PLXNA4: variants seen among roughly 807,000 people sequenced by gnomAD.
PLXNA4 encodes plexin-A4.
A neutral mutation model predicts 191.8 loss-of-function variants in PLXNA4; 44 were observed. The ratio of observed to expected loss-of-function variants is 0.23; its 90% CI spans 0.18 to 0.29. The LOEUF is 0.29. Ranked by LOEUF, PLXNA4 falls within the 10% of genes least tolerant of loss-of-function variation. The pLI is 1.00. For synonymous variants in PLXNA4, 1,082 were observed against 1,009.5 expected, an observed-to-expected ratio of 1.07 and a Z score of -1.36; for missense variants, 1,800 against 2,488.8, an observed-to-expected ratio of 0.72 and a Z score of 5.89.
At chr7:132,489,089 C>T (rs971782188) in intron 3 of PLXNA4, among the ~76,000 whole-genome samples, 1 of 152,178 alleles carries the variant, frequency 6.6e-6, no homozygotes, top group Non-Finnish European at 1.5e-5. Flanking sequence ...GAGGTGAATC[C>T]ACACACTCAC....
intron 3 of PLXNA4, among the ~76,000 whole-genome samples, chr7:132,381,325 G>C (rs12539410): frequency 0.083 from 12,576 of 152,220 alleles, 1,000 homozygotes; most frequent in African/African-American, 0.17. Context: ...GAGGTGCATA[G>C]AACAATATTT....
intron 4 of PLXNA4, among the ~76,000 whole-genome samples, chr7:132,274,766 CTTT>C (rs3057256): frequency 2.8e-5 from 3 of 106,200 alleles, no homozygotes; most frequent in African/African-American, 3.7e-5. Flanking sequence ...TCAGTGCATC[CTTT>C]TTTTTTTTTT....
intron 5 of PLXNA4, among the ~76,000 whole-genome samples, chr7:132,235,639 G>T (rs1798672994): frequency 6.6e-6 from 1 of 152,178 alleles, no homozygotes; most frequent in Admixed American, 6.5e-5. Context: ...TCCCAGGAGT[G>T]ATGCTGATGA....
rs946278637 is a variant in PLXNA4 at position 132,128,024 on chromosome 7, C to G, written c.*2455G>C. The G allele has an allele frequency of 1.5e-4, 23 of 148,588 alleles. No individual in the cohort carries two copies. The highest frequency in any genetic ancestry group is 5.3e-4 in the African/African-American group (21 of 39,978). 9.2% of individuals were successfully genotyped at this position (148,588 alleles called of 1,614,324 possible). A position where few individuals can be genotyped will look rare whatever the true frequency, so the allele number is the denominator to read the frequency against. Reference sequence around the variant, plus strand: ...AAAAAAAAAAATCAAAATGCACTCACTCATACACACGTTCACACACGCAGC... The same window carrying G: ...AAAAAAAAAAATCAAAATGCACTCAGTCATACACACGTTCACACACGCAGC... On this transcript the variant is annotated 3_prime_UTR_variant, in exon 32 of 32. Transcript: ENST00000321063.
intron 2 of PLXNA4, among the ~76,000 whole-genome samples, chr7:132,613,989 G>A (rs1009112823): frequency 5.3e-5 from 8 of 152,298 alleles, no homozygotes; most frequent in African/African-American, 1.9e-4. Context: ...AAGATGGGGA[G>A]ACCTTCTGGA....
intron 3 of PLXNA4, among the ~76,000 whole-genome samples, chr7:132,381,563 T>C (rs1804893437): frequency 6.6e-6 from 1 of 152,240 alleles, no homozygotes; most frequent in Non-Finnish European, 1.5e-5. Flanking sequence ...AACATCTATT[T>C]AAATTTCAAG....
intron 4 of PLXNA4, among the ~76,000 whole-genome samples, chr7:132,290,532 T>C (rs931956729): frequency 8.5e-5 from 13 of 152,142 alleles, no homozygotes; most frequent in African/African-American, 2.9e-4. Context: ...TCAGTGTGTA[T>C]AGACATTCCC....
At chr7:132,536,466 G>A (rs1288329957) in intron 1 of PLXNA4, among the ~76,000 whole-genome samples, 7 of 152,134 alleles carry the variant, frequency 4.6e-5, no homozygotes, top group Admixed American at 4.6e-4. Flanking sequence ...ATAGAACGAC[G>A]ACCTCAGTGG....
rs139713999 is a variant in PLXNA4, at chr7:132,258,261, G to T, written c.1504-17095C>A. ...GCTGCTGTGTCGACGAAAGGCGGCC[G>T]GGGGCTGAGCAAAGGGTGGCATTGG... On this transcript the variant is annotated intron_variant, in intron 4 of 31. Transcript: ENST00000321063. Among the ~76,000 whole-genome samples, 4 of 152,366 alleles carry T rather than the reference G, an allele frequency of 2.6e-5. No individual in the cohort carries two copies. In the East Asian group the frequency reaches 5.8e-4, roughly 22 times the overall value.
chr7:132,130,152 T>G lies in PLXNA4; in HGVS notation c.*327A>C. 1 of 295,136 alleles carries G rather than the reference T, an allele frequency of 3.4e-6. No individual in the cohort carries two copies. The highest frequency in any genetic ancestry group is 6.6e-6 in the Non-Finnish European group (1 of 152,064). The allele number at this position is 295,136 out of a possible 1,614,324, so 18.3% of individuals were successfully genotyped here. ...GGCTCCTCATTCGTTATTTGCACCC[T>G]GCTGCTGACATGCACAGGGTCAGGA... is the stretch of plus-strand genomic sequence containing the variant. On this transcript the variant is annotated 3_prime_UTR_variant, in exon 32 of 32. Transcript: ENST00000321063.
chr7:132,282,527 G>A (rs1235150417), intron 4 of PLXNA4, among the ~76,000 whole-genome samples: 1 of 148,412 alleles, frequency 6.7e-6, no homozygotes, highest in African/African-American at 2.5e-5. Flanking sequence ...CTTGAACCTG[G>A]GAGGCAGAAG....
At chr7:132,258,733 A>G (rs1799519583) in intron 4 of PLXNA4, among the ~76,000 whole-genome samples, 1 of 152,204 alleles carries the variant, frequency 6.6e-6, no homozygotes, top group African/African-American at 2.4e-5. Context: ...ACACCTGGGA[A>G]GAAGACAAAA....
intron 3 of PLXNA4, among the ~76,000 whole-genome samples, chr7:132,339,433 C>G (rs1802940610): frequency 6.6e-6 from 1 of 152,158 alleles, no homozygotes; most frequent in Admixed American, 6.5e-5. Context: ...GTCACATATT[C>G]TACAGAGCAG....
rs988925784 is a variant in PLXNA4, at chr7:132,408,491, T to A, written c.1371+80801A>T. Among the ~76,000 whole-genome samples the A allele has an allele frequency of 2.0e-5, 3 of 151,010 alleles. No homozygotes were observed. In the East Asian group the frequency reaches 6.0e-4, roughly 30 times the overall value. ...TTATTTATTTATTTTTGAGAGAGAG[T>A]CTCACTCTGTCACCCAGGCTGGAGT... On this transcript the variant is annotated intron_variant, in intron 3 of 31. Transcript: ENST00000321063.
intron 21 of PLXNA4, among the ~76,000 whole-genome samples, chr7:132,170,589 G>C (rs1796255311): frequency 6.6e-6 from 1 of 152,242 alleles, no homozygotes; most frequent in South Asian, 2.1e-4. Context: ...CCAATACCCT[G>C]TGTTCCAGGC....
intron 3 of PLXNA4, among the ~76,000 whole-genome samples, chr7:132,362,743 G>C (rs1418715014): frequency 4.6e-5 from 7 of 152,166 alleles, no homozygotes; most frequent in Admixed American, 3.3e-4. Flanking sequence ...CTTTGGGAAA[G>C]ACACATAGCT....
At chr7:132,443,442 C>G (rs954847157) in intron 3 of PLXNA4, among the ~76,000 whole-genome samples, 2 of 152,178 alleles carry the variant, frequency 1.3e-5, no homozygotes, top group African/African-American at 4.8e-5. Context: ...TACAGTTTTT[C>G]TTTCCTCAGT....
At chr7:132,202,976 T>C (rs1797490879) in intron 11 of PLXNA4, 140 bp from the exon 12 acceptor site, 9 of 897,830 alleles carry the variant, frequency 1.0e-5, no homozygotes, top group African/African-American at 3.4e-5. Flanking sequence ...GCCATTCTGA[T>C]GCAAAAAAGA....
chr7:132,190,268 C>A (rs1797044690), intron 14 of PLXNA4, among the ~76,000 whole-genome samples: 1 of 152,240 alleles, frequency 6.6e-6, no homozygotes, highest in African/African-American at 2.4e-5. Context: ...ACCCTAAATT[C>A]AATCACACCC....
Sources: gnomAD v4.1 joint callset for allele counts (sites outside exome capture counted in the v4.1 genomes callset) on GRCh38, gnomAD v4.1.1 for gene constraint, MANE v1.5 for transcripts, NCBI Gene and HGNC (gene_info 2026-07-23, HGNC 2026-07-21) for gene names.